Variants in PLA2R1 observed in about 807,000 individuals in gnomAD.
PLA2R1 encodes secretory phospholipase A2 receptor.
In PLA2R1, 158 loss-of-function variants were observed where a neutral mutation model predicts 195.9. The observed-to-expected ratio is 0.81, with a 90% CI of 0.71 to 0.92. The LOEUF is 0.92. Ranked by LOEUF, PLA2R1 falls within the 40% of genes least tolerant of loss-of-function variation. The probability of loss-of-function intolerance (pLI) is 0.00; values close to 1 mark genes in which losing one functional copy is unlikely to be tolerated. For synonymous variants in PLA2R1, 586 were observed against 598.2 expected, an observed-to-expected ratio of 0.98 and a Z score of 0.30; for missense variants, 1,626 against 1,764.6, an observed-to-expected ratio of 0.92 and a Z score of 1.41.
At position 160,028,356 on chromosome 2, in the gene PLA2R1, T is replaced by G. The variant is rs367566854; in HGVS notation, c.961A>C (p.Asn321His). The G allele has an allele frequency of 1.4e-5, 23 of 1,605,772 alleles. 1 individual carries two copies. The African/African-American group carries it at 2.9e-4, about 21-fold the overall frequency. Residue 321 changes from asparagine to histidine, a missense_variant, in exon 6 of 30, where the codon AAT becomes CAT. Physicochemically the swap from Asn to His is moderately conservative, Grantham distance 68 (BLOSUM62 1). Transcript: ENST00000283243. Reference sequence around the variant, plus strand: ...TGATCTTCAACAAATGGCTCAAAATTTACCTCTGAAAATACAATGAGTGTC... The same window carrying G: ...TGATCTTCAACAAATGGCTCAAAATGTACCTCTGAAAATACAATGAGTGTC... Reference protein sequence around the residue: ...LNYLNWSPEVNFEPFVEDHCG... With the variant: ...LNYLNWSPEVHFEPFVEDHCG...
intron 6 of PLA2R1, 69 bp from the exon 7 acceptor site, chr2:160,022,928 T>A: frequency 9.5e-7 from 1 of 1,051,054 alleles, no homozygotes; most frequent in Non-Finnish European, 1.4e-6. Context: ...ACAGCTTATG[T>A]AAATTGCCAT....
chr2:160,033,260 T>C, intron 3 of PLA2R1, 128 bp from the exon 4 acceptor site: 1 of 617,680 alleles, frequency 1.6e-6, no homozygotes, highest in Non-Finnish European at 2.7e-6. Context: ...TATCTATTCT[T>C]GATTAGGTCT....
At chr2:159,993,813 C>T (rs1691008740) in intron 11 of PLA2R1, among the ~76,000 whole-genome samples, 1 of 151,986 alleles carries the variant, frequency 6.6e-6, no homozygotes, top group Admixed American at 6.6e-5. Context: ...AACCCTTACT[C>T]CATAGTAATG....
chr2:159,967,891 A>G (rs1288895878), intron 19 of PLA2R1, among the ~76,000 whole-genome samples: 2 of 152,176 alleles, frequency 1.3e-5, no homozygotes, highest in Non-Finnish European at 2.9e-5. Context: ...GAATGTAAAA[A>G]TTTTGCAAAT....
downstream of PLA2R1, among the ~76,000 whole-genome samples, chr2:159,930,131 A>G (rs551423469): frequency 5.1e-3 from 783 of 152,276 alleles, 5 homozygotes; most frequent in Non-Finnish European, 8.9e-3. Flanking sequence ...ATTGGTGGCC[A>G]GGCGCGGTGG....
chr2:159,964,319 T>C (rs1688644414), intron 20 of PLA2R1, among the ~76,000 whole-genome samples: 1 of 152,212 alleles, frequency 6.6e-6, no homozygotes, highest in South Asian at 2.1e-4. Context: ...GATGGTTGTA[T>C]AACATTGTGC....
chr2:159,976,013 G>T, intron 17 of PLA2R1, 55 bp downstream of exon 17: 87 of 1,124,238 alleles, frequency 7.7e-5, no homozygotes, highest in Non-Finnish European at 9.7e-5. Context: ...TCCCTCCCAA[G>T]GGCAAAAGAA....
chr2:160,005,443 C>A (rs1691913270), intron 11 of PLA2R1, among the ~76,000 whole-genome samples: 1 of 135,666 alleles, frequency 7.4e-6, no homozygotes, highest in African/African-American at 3.1e-5. Context: ...TCAAAACAAA[C>A]AAACAAACAA....
chr2:160,061,127 G>C (rs1029611331), intron 1 of PLA2R1, among the ~76,000 whole-genome samples: 1 of 152,210 alleles, frequency 6.6e-6, no homozygotes, highest in Non-Finnish European at 1.5e-5. Context: ...ATCACATCTT[G>C]TGTTACCCCT....
At chr2:160,045,371 G>A (rs1219154629) in intron 1 of PLA2R1, among the ~76,000 whole-genome samples, 1 of 152,156 alleles carries the variant, frequency 6.6e-6, no homozygotes, top group African/African-American at 2.4e-5. Context: ...TGGAGCTAAT[G>A]GGAGAGCTCT....
Position 159,976,130 on chromosome 2 carries a change from T to C in PLA2R1, c.2533A>G (p.Ser845Gly), listed in dbSNP as rs1689536756. Residue 845 changes from serine to glycine, a missense_variant, in exon 17 of 30, where the codon AGT (serine) becomes GGT (glycine). Physicochemically the swap from Ser to Gly is moderately conservative, Grantham distance 56 (BLOSUM62 0). Transcript: ENST00000283243. ...GCAGAATGAATTGTGAGAAGATCAC[T>C]GTGCAGCCAGCTACAGACAAACTCA... ...NFEFVCSWLH[S>G]DLLTIHSAHE... 6.2e-7 allele frequency: 1 copy of C among 1,612,960 alleles called. No homozygotes were observed. Among genetic ancestry groups the C allele is most frequent in the South Asian group, 1.1e-5 (1 of 91,048 alleles).
intron 27 of PLA2R1, 59 bp downstream of exon 27, chr2:159,946,742 T>C (rs1464457134): frequency 6.6e-7 from 1 of 1,506,272 alleles, no homozygotes; most frequent in East Asian, 2.6e-5. Flanking sequence ...GATGCCATTA[T>C]CATCAGCTTT....
chr2:159,931,205 G>A (rs1402786961), downstream of PLA2R1, among the ~76,000 whole-genome samples: 2 of 152,154 alleles, frequency 1.3e-5, no homozygotes, highest in African/African-American at 4.8e-5. Context: ...AATGCCAATT[G>A]TACTAGACAT....
chr2:159,945,594 A>G (rs900177156), intron 27 of PLA2R1, among the ~76,000 whole-genome samples: 3 of 152,178 alleles, frequency 2.0e-5, no homozygotes, highest in Admixed American at 1.3e-4. Flanking sequence ...AATCCAGTCT[A>G]TCATTGTTGG....
At chr2:160,054,221 A>C (rs1285994910) in intron 1 of PLA2R1, among the ~76,000 whole-genome samples, 1 of 152,178 alleles carries the variant, frequency 6.6e-6, no homozygotes, top group Non-Finnish European at 1.5e-5. Flanking sequence ...GGACAGCTTG[A>C]GACCAGGAGT....
intron 15 of PLA2R1, among the ~76,000 whole-genome samples, 195 bp downstream of exon 15, chr2:159,977,089 T>C (rs1283988375): frequency 6.6e-6 from 1 of 152,236 alleles, no homozygotes; most frequent in Non-Finnish European, 1.5e-5. Flanking sequence ...TTACCTTAGT[T>C]CCCAATGAAC....
intron 11 of PLA2R1, among the ~76,000 whole-genome samples, chr2:159,999,056 T>C (rs1369287394): frequency 2.0e-5 from 3 of 152,056 alleles, no homozygotes; most frequent in Non-Finnish European, 2.9e-5. Context: ...TTGGTGCTTT[T>C]ATAAAAGAGG....
chr2:160,044,142 T>A (rs1052143901), intron 2 of PLA2R1, among the ~76,000 whole-genome samples: 1 of 45,592 alleles, frequency 2.2e-5, no homozygotes, highest in Non-Finnish European at 3.9e-5. Context: ...CTATGTAACT[T>A]TCTTTTTTTT....
intron 23 of PLA2R1, 37 bp downstream of exon 23, chr2:159,955,162 T>C (rs1426282016): frequency 2.0e-6 from 3 of 1,534,580 alleles, no homozygotes. Flanking sequence ...GGATGGACTT[T>C]GGAAATGAAA....
Sources: allele counts gnomAD v4.1 joint callset (sites outside exome capture counted in the v4.1 genomes callset), GRCh38; gene constraint gnomAD v4.1.1; transcripts MANE v1.5; gene names NCBI Gene and HGNC (gene_info 2026-07-23, HGNC 2026-07-21).